Variants in NRGN observed in about 807,000 individuals in gnomAD.
The protein encoded by NRGN is calmodulin-binding protein.
For missense variants in NRGN, 82 were observed against 123.0 expected, an observed-to-expected ratio of 0.67 and a Z score of 1.58; for synonymous variants, 47 against 52.8, an observed-to-expected ratio of 0.89 and a Z score of 0.47.
In NRGN at chr11:124,745,371, G is replaced by C. The variant is rs1944000006; in HGVS notation, c.16-132G>C. 1.8e-6 allele frequency: 1 copy of C among 563,728 alleles called. No homozygotes were observed. The highest frequency in any genetic ancestry group is 3.9e-5 in the Admixed American group (1 of 25,956). The allele number at this position is 563,728 out of a possible 1,614,324, so 34.9% of individuals were successfully genotyped here. On this transcript the variant is annotated intron_variant, in intron 1 of 3. Coordinates refer to ENST00000284292, the MANE Select transcript of NRGN (RefSeq NM_006176.3). The surrounding 1 kb of genome is among the most constrained non-coding windows in gnomAD (Gnocchi z 6.4). ...GTGTCCCTGCCATAGCCCTGCTCCA[G>C]GCTCGACACCCCTCTCTGTACCTCC...
At chr11:124,741,496 G>A (rs935189642) in intron 1 of NRGN, among the ~76,000 whole-genome samples, 1 of 152,030 alleles carries the variant, frequency 6.6e-6, no homozygotes, top group Non-Finnish European at 1.5e-5. Context: ...AGAACACCCC[G>A]ATAACATATC....
Position 124,745,320 on chromosome 11 carries a change from G to A in NRGN, c.16-183G>A, listed in dbSNP as rs1943999691. ...GTCCACCTGGCCCTGAACCTTCTTC[G>A]CCTGTCGCTGCCCATGCCCCAGTGA... On this transcript the variant is annotated intron_variant, in intron 1 of 3. Transcript: ENST00000284292. This position sits in a 1 kb window ranked among gnomAD's most constrained non-coding sequence, Gnocchi z 6.4. Among the ~76,000 whole-genome samples, 5 of 151,976 alleles carry A rather than the reference G, an allele frequency of 3.3e-5. No individual in the cohort carries two copies. In the South Asian group the frequency reaches 1.0e-3, roughly 32 times the overall value.
At position 124,746,478 on chromosome 11, in the gene NRGN, GC is replaced by G; in HGVS notation, c.*101del. 6.5e-6 allele frequency: 1 copy of G among 152,802 alleles called. No homozygotes were observed. The highest frequency in any genetic ancestry group is 2.1e-4 in the South Asian group (1 of 4,832). The allele number at this position is 152,802 out of a possible 1,614,324, so 9.5% of individuals were successfully genotyped here. On this transcript the variant is annotated 3_prime_UTR_variant, in exon 4 of 4. Coordinates refer to ENST00000284292, the MANE Select transcript of NRGN (RefSeq NM_006176.3). ...CCTGCCGTGTTTGTGACCCCCTCCT[GC>G]CCAGCAACCTGCCAGCTACAGGAGC...
At position 124,745,557 on chromosome 11, in the gene NRGN, C is replaced by A. The variant is rs1003641738; in HGVS notation, c.70C>A (p.Pro24Thr). The A allele has an allele frequency of 6.2e-7, 1 of 1,606,160 alleles. No individual in the cohort carries two copies. Among genetic ancestry groups the A allele is most frequent in the Non-Finnish European group, 8.5e-7 (1 of 1,177,532 alleles). ...CATTCTAGACATCCCGCTGGACGAT[C>A]CCGGCGCCAACGCGGCCGCCGCCAA... Reference protein sequence around the residue: ...DDILDIPLDDPGANAAAAKIQ... With the variant: ...DDILDIPLDDTGANAAAAKIQ... The change falls in exon 2 of 4, where the codon CCC becomes ACC. Residue 24 changes from proline to threonine, a missense_variant. Pro to Thr is a conservative substitution (Grantham distance 38, BLOSUM62 -1). Coordinates refer to ENST00000284292, the MANE Select transcript of NRGN (RefSeq NM_006176.3). This position sits in a 1 kb window ranked among gnomAD's most constrained non-coding sequence, Gnocchi z 6.4.
intron 1 of NRGN, among the ~76,000 whole-genome samples, chr11:124,742,701 T>C (rs1420618531): frequency 6.6e-6 from 1 of 152,180 alleles, no homozygotes; most frequent in East Asian, 1.9e-4. Flanking sequence ...TTAGCTAAGT[T>C]ACAAAATGTC....
Position 124,745,462 on chromosome 11 carries a change from G to T in NRGN, c.16-41G>T. The T allele has an allele frequency of 2.0e-6, 3 of 1,469,390 alleles. No homozygotes were observed. The highest frequency in any genetic ancestry group is 9.1e-7 in the Non-Finnish European group (1 of 1,093,472). The allele number at this position is 1,469,390 out of a possible 1,614,324, so 91.0% of individuals were successfully genotyped here. ...TTCCTACCCCACTCCCGCGGATCAA[G>T]ACCCAGTGACCCCACAAGAACCCCC... On this transcript the variant is annotated intron_variant, in intron 1 of 3. Coordinates refer to ENST00000284292, the MANE Select transcript of NRGN (RefSeq NM_006176.3). The surrounding 1 kb of genome is among the most constrained non-coding windows in gnomAD (Gnocchi z 6.4).
rs1339187936 is a variant in NRGN, at chr11:124,740,577, A to C, written c.15+478A>C. Among the ~76,000 whole-genome samples, 1 of 152,236 alleles carries C rather than the reference A, an allele frequency of 6.6e-6. No individual in the cohort carries two copies. The highest frequency in any genetic ancestry group is 2.4e-5 in the African/African-American group (1 of 41,466). On this transcript the variant is annotated intron_variant, in intron 1 of 3. Coordinates refer to ENST00000284292, the MANE Select transcript of NRGN (RefSeq NM_006176.3). This position sits in a 1 kb window ranked among gnomAD's most constrained non-coding sequence, Gnocchi z 7.5. Reference sequence around the variant, plus strand: ...ATCGCCTAAGCGCCCTGTGCAGCGCAGGCTGGTCCATATTGGTTAGCTCGG... The same window carrying C: ...ATCGCCTAAGCGCCCTGTGCAGCGCCGGCTGGTCCATATTGGTTAGCTCGG...
chr11:124,745,949 C>G lies in NRGN; in HGVS notation c.*6-16C>G, dbSNP rs982520582. The G allele has an allele frequency of 2.8e-6, 1 of 358,682 alleles. No individual in the cohort carries two copies. The highest frequency in any genetic ancestry group is 2.1e-5 in the African/African-American group (1 of 46,854). 22.2% of individuals were successfully genotyped at this position (358,682 alleles called of 1,614,324 possible). A position where few individuals can be genotyped will look rare whatever the true frequency, so the allele number is the denominator to read the frequency against. ...CCTCTGCATCCTCCCTTCTGCCCCG[C>G]CCTGGACCGAAGAAGAACTGAGCAT... On this transcript the variant is annotated splice_polypyrimidine_tract_variant and intron_variant, in intron 2 of 3. Coordinates refer to ENST00000284292, the MANE Select transcript of NRGN (RefSeq NM_006176.3). This position sits in a 1 kb window ranked among gnomAD's most constrained non-coding sequence, Gnocchi z 6.4.
intron 1 of NRGN, among the ~76,000 whole-genome samples, chr11:124,742,926 G>C (rs952052029): frequency 1.3e-5 from 2 of 152,168 alleles, no homozygotes; most frequent in African/African-American, 4.8e-5. Context: ...GGACTAGAAG[G>C]CTTGGACCCC....
At position 124,747,076 on chromosome 11, in the gene NRGN, C is replaced by A. The variant is rs1011625079; in HGVS notation, c.*696C>A. 9 of 153,560 alleles carry A rather than the reference C, an allele frequency of 5.9e-5. No homozygotes were observed. Among genetic ancestry groups the A allele is most frequent in the South Asian group, 2.0e-4 (1 of 4,928 alleles). The allele number at this position is 153,560 out of a possible 1,614,324, so 9.5% of individuals were successfully genotyped here. ...GTAGGAGGAGTCTTCCACGGCCCCG[C>A]CCCGCCCCTGTCGGTCCCGCCCTCC... On this transcript the variant is annotated 3_prime_UTR_variant, in exon 4 of 4. Coordinates refer to ENST00000284292, the MANE Select transcript of NRGN (RefSeq NM_006176.3).
At chr11:124,743,792 G>A (rs1397740990) in intron 1 of NRGN, among the ~76,000 whole-genome samples, 1 of 151,530 alleles carries the variant, frequency 6.6e-6, no homozygotes, top group East Asian at 1.9e-4. Flanking sequence ...GATGGATGAT[G>A]GCAGGGAGAG....
rs1408251703 is a variant in NRGN at position 124,747,157 on chromosome 11, T to G, written c.*777T>G. The G allele has an allele frequency of 6.7e-6, 1 of 149,398 alleles. No homozygotes were observed. Among genetic ancestry groups the G allele is most frequent in the Non-Finnish European group, 1.5e-5 (1 of 68,054 alleles). 9.3% of individuals were successfully genotyped at this position (149,398 alleles called of 1,614,324 possible). ...AAGGTTTCTGATCTCCGTGTGTGCA[T>G]GTGACTGTGCTGGGTTGGAATGTGA... On this transcript the variant is annotated 3_prime_UTR_variant, in exon 4 of 4. Transcript: ENST00000284292.
In NRGN at chr11:124,745,740, C is replaced by T; in HGVS notation, c.*5+11C>T. The T allele has an allele frequency of 7.8e-7, 1 of 1,276,600 alleles. No homozygotes were observed. Among genetic ancestry groups the T allele is most frequent in the Non-Finnish European group, 1.0e-6 (1 of 1,002,082 alleles). 79.1% of individuals were successfully genotyped at this position (1,276,600 alleles called of 1,614,324 possible). On this transcript the variant is annotated intron_variant, in intron 2 of 3. Coordinates refer to ENST00000284292, the MANE Select transcript of NRGN (RefSeq NM_006176.3). The surrounding 1 kb of genome is among the most constrained non-coding windows in gnomAD (Gnocchi z 6.4). ...CGGAGACTAGGCCAGGTGAGGCGGGCGGCGCGCGGCTGGCTGACAGCTGCC... is the reference window on the plus strand; with the variant it reads ...CGGAGACTAGGCCAGGTGAGGCGGGTGGCGCGCGGCTGGCTGACAGCTGCC...
In NRGN at chr11:124,746,883, T is replaced by C. The variant is rs1944018605; in HGVS notation, c.*503T>C. On this transcript the variant is annotated 3_prime_UTR_variant, in exon 4 of 4. Coordinates refer to ENST00000284292, the MANE Select transcript of NRGN (RefSeq NM_006176.3). ...CCAAGACTTTGGATCCGGGGCGAGATGAAGGGAAGAGGGTTGTTTTGGTTT... is the reference window on the plus strand; with the variant it reads ...CCAAGACTTTGGATCCGGGGCGAGACGAAGGGAAGAGGGTTGTTTTGGTTT... 6.6e-6 allele frequency: 1 copy of C among 152,664 alleles called. No homozygotes were observed. Among genetic ancestry groups the C allele is most frequent in the African/African-American group, 2.4e-5 (1 of 41,444 alleles). The allele number at this position is 152,664 out of a possible 1,614,324, so 9.5% of individuals were successfully genotyped here.
At chr11:124,744,702 C>T (rs1943994607) in intron 1 of NRGN, 1 of 152,176 alleles carries the variant, frequency 6.6e-6, no homozygotes, top group Non-Finnish European at 1.5e-5. Context: ...CGTTATTGCA[C>T]CTGGAACAAG....
At chr11:124,744,432 G>T (rs543655747) in intron 1 of NRGN, among the ~76,000 whole-genome samples, 1 of 152,202 alleles carries the variant, frequency 6.6e-6, no homozygotes, top group Non-Finnish European at 1.5e-5. Flanking sequence ...ATAACTTGCC[G>T]AAGGCCACAC....
intron 3 of NRGN, 73 bp downstream of exon 3, chr11:124,746,055 C>A (rs932118363): frequency 1.4e-5 from 3 of 218,568 alleles, no homozygotes; most frequent in Non-Finnish European, 2.7e-5. Context: ...CCCAGCCCTT[C>A]CCTCTGCCCA....
chr11:124,741,457 T>C (rs1943965026), intron 1 of NRGN, among the ~76,000 whole-genome samples: 1 of 152,070 alleles, frequency 6.6e-6, no homozygotes, highest in African/African-American at 2.4e-5. Context: ...AAAACAAACA[T>C]GTCAGTCACC....
Position 124,740,209 on chromosome 11 carries a change from G to C in NRGN, c.15+110G>C, listed in dbSNP as rs1943956582. ...ATGGAAGTGGATGCGGAAGACCTAGGAGCAGAAAGAAAAGGGGTCCTTGCC... is the reference window on the plus strand; with the variant it reads ...ATGGAAGTGGATGCGGAAGACCTAGCAGCAGAAAGAAAAGGGGTCCTTGCC... On this transcript the variant is annotated intron_variant, in intron 1 of 3. Transcript: ENST00000284292. This position sits in a 1 kb window ranked among gnomAD's most constrained non-coding sequence, Gnocchi z 7.5. 3.6e-6 allele frequency: 3 copies of C among 840,440 alleles called. No individual in the cohort carries two copies. In the South Asian group the frequency reaches 1.5e-4, roughly 42 times the overall value. 52.1% of individuals were successfully genotyped at this position (840,440 alleles called of 1,614,324 possible).
Sources: allele counts gnomAD v4.1 joint callset (sites outside exome capture counted in the v4.1 genomes callset), GRCh38; gene constraint gnomAD v4.1.1; non-coding constraint Gnocchi (gnomAD v3.1); transcripts MANE v1.5; gene names NCBI Gene and HGNC (gene_info 2026-07-23, HGNC 2026-07-21).